The following MUTYH variants were observed in gnomAD, a reference collection of about 807,000 sequenced individuals.
MUTYH encodes the protein adenine DNA glycosylase.
MUTYH carries 64 observed loss-of-function variants against 72.9 expected under a neutral mutation model. The observed-to-expected ratio is 0.88, with a 90% CI of 0.72 to 1.08. MUTYH has a LOEUF of 1.08. MUTYH is among the 50% of genes least tolerant of loss of function. The pLI is 0.00. For missense variants in MUTYH, 633 were observed against 671.0 expected (o/e 0.94, Z 0.63); for synonymous variants, 234 against 263.1 (o/e 0.89, Z 1.07).
rs765990397 is a variant in MUTYH at position 45,329,311 on chromosome 1, G to A, written c.1561C>T (p.Gln521Ter). ...AATGGGGGCTTTCAGAGGTGTCACTGGGCTGCACTGTTGAGGCTGTGTGCA... is the reference window on the plus strand; with the variant it reads ...AATGGGGGCTTTCAGAGGTGTCACTAGGCTGCACTGTTGAGGCTGTGTGCA... ...TDAHSLNSAA[Q>*] is the part of the protein sequence containing the mutation. Residue 521 changes from glutamine (Q) to a stop codon, truncating the protein, a stop_gained, in exon 16 of 16, where the codon CAG becomes TAG. Coordinates refer to ENST00000456914, the MANE Select transcript of MUTYH (RefSeq NM_001048174.2). LOFTEE classifies it high-confidence loss of function. 2.5e-6 allele frequency: 4 copies of A among 1,614,154 alleles called. No individual in the cohort carries two copies. The highest frequency in any genetic ancestry group is 3.4e-6 in the Non-Finnish European group (4 of 1,180,022).
chr1:45,329,546 A>G, intron 15 of MUTYH, 109 bp from the exon 16 acceptor site: 2 of 1,431,850 alleles, frequency 1.4e-6, no homozygotes, highest in Non-Finnish European at 1.9e-6. Flanking sequence ...AGCTAGGCTT[A>G]GCCTGGAATG....
chr1:45,331,137 T>G, intron 14 of MUTYH, 45 bp downstream of exon 14: 3 of 1,611,272 alleles, frequency 1.9e-6, no homozygotes, highest in Non-Finnish European at 2.5e-6. Context: ...ATGTAGAACA[T>G]GTAGGAAACA....
At chr1:45,339,769 A>T in intron 1 of MUTYH, 130 bp downstream of exon 1, 1 of 1,137,730 alleles carries the variant, frequency 8.8e-7, no homozygotes, top group Non-Finnish European at 1.2e-6. Flanking sequence ...GAATTTACCG[A>T]TGCCCAGAAC....
upstream of MUTYH, chr1:45,340,286 G>A (rs2149249723): frequency 1.2e-6 from 2 of 1,613,440 alleles, no homozygotes; most frequent in Non-Finnish European, 1.7e-6. Context: ...CGCAGTTTCA[G>A]CTCCCGCAGC....
Position 45,331,179 on chromosome 1 carries a change from T to C in MUTYH, c.1392+3A>G, listed in dbSNP as rs1064796189. ...AGTACAACAAAGACAACAAAGGTAGTGCCTTTTTCATGGCGGTGGAAACAG... is the reference window on the plus strand; with the variant it reads ...AGTACAACAAAGACAACAAAGGTAGCGCCTTTTTCATGGCGGTGGAAACAG... On this transcript the variant is annotated splice_donor_region_variant and intron_variant, in intron 14 of 15. Transcript: ENST00000456914. 1 of 1,614,184 alleles carries C rather than the reference T, an allele frequency of 6.2e-7. No individual in the cohort carries two copies.
At chr1:45,340,054 G>T, upstream of MUTYH, 13 of 1,542,124 alleles carry the variant, frequency 8.4e-6, no homozygotes, top group Non-Finnish European at 1.0e-5. Flanking sequence ...CTGCGAGCCG[G>T]CAGCACAGGC....
chr1:45,332,332 G>A lies in MUTYH; in HGVS notation c.705-22C>T, dbSNP rs779818394. 5.0e-6 allele frequency: 8 copies of A among 1,614,112 alleles called. No individual in the cohort carries two copies. In the Admixed American group the frequency reaches 6.7e-5, roughly 13 times the overall value. On this transcript the variant is annotated intron_variant, in intron 9 of 15. Transcript: ENST00000456914. ...ACCCCTAAAAGAAGGGAACACTGCTGTGAAGCAGAGCTCCTTTGCAGACAC... is the reference window on the plus strand; with the variant it reads ...ACCCCTAAAAGAAGGGAACACTGCTATGAAGCAGAGCTCCTTTGCAGACAC...
intron 1 of MUTYH, among the ~76,000 whole-genome samples, 172 bp from the exon 2 acceptor site, chr1:45,334,683 T>A (rs1186466068): frequency 6.6e-6 from 1 of 152,202 alleles, no homozygotes; most frequent in Middle Eastern, 3.2e-3. Flanking sequence ...AGCACTGAGA[T>A]ACAACTAGTA....
At chr1:45,340,192 A>C (rs756764712), upstream of MUTYH, 4 of 1,613,314 alleles carry the variant, frequency 2.5e-6, no homozygotes, top group Non-Finnish European at 3.4e-6. Flanking sequence ...GAACCGCGCC[A>C]GGAGACGGAC....
At chr1:45,333,629 G>A (rs2149177820) in intron 2 of MUTYH, 68 bp from the exon 3 acceptor site, 1 of 1,583,020 alleles carries the variant, frequency 6.3e-7, no homozygotes, top group Non-Finnish European at 8.6e-7. Context: ...TTGGGACACA[G>A]CAGCCTGTGG....
At chr1:45,340,041 G>A (rs1221502004), upstream of MUTYH, 9 of 1,540,474 alleles carry the variant, frequency 5.8e-6, no homozygotes, top group Admixed American at 1.6e-4. Context: ...GGGTCCACCC[G>A]GGCTGCGAGC....
chr1:45,337,186 C>T (rs1206079126), intron 1 of MUTYH, among the ~76,000 whole-genome samples: 1 of 151,426 alleles, frequency 6.6e-6, no homozygotes, highest in East Asian at 1.9e-4. Flanking sequence ...CTCTGTCACC[C>T]AGGCTGGAGT....
Position 45,330,666 on chromosome 1 carries a change from T to C in MUTYH, c.1393-109A>G, listed in dbSNP as rs540007730. On this transcript the variant is annotated intron_variant, in intron 14 of 15. Transcript: ENST00000456914. ...GTACTTTTGTTTAAAATATGCTTTT[T>C]TGGCCAGGCATGGTGGCTCACGCCT... 18 of 1,355,550 alleles carry C rather than the reference T, an allele frequency of 1.3e-5. No individual in the cohort carries two copies. The East Asian group carries it at 2.8e-4, about 21-fold the overall frequency. 84.0% of individuals were successfully genotyped at this position (1,355,550 alleles called of 1,614,324 possible). A position where few individuals can be genotyped will look rare whatever the true frequency, so the allele number is the denominator to read the frequency against.
In MUTYH at chr1:45,331,266, G is replaced by A. The variant is rs786202812; in HGVS notation, c.1308C>T (p.Thr436=). 3 of 1,614,132 alleles carry A rather than the reference G, an allele frequency of 1.9e-6. No homozygotes were observed. Among genetic ancestry groups the A allele is most frequent in the East Asian group, 2.2e-5 (1 of 44,882 alleles). ...QVYGLALEGQ[T]PVTTVPPGAR... ...CACCTGGTGGTACGGTGGTCACTGGGGTCTGCCCTTCCAAGGCCAGCCCAT... is the reference window on the plus strand; with the variant it reads ...CACCTGGTGGTACGGTGGTCACTGGAGTCTGCCCTTCCAAGGCCAGCCCAT... The change falls in exon 14 of 16, where the codon ACC becomes ACT. Residue 436 remains threonine (T), a synonymous_variant. Coordinates refer to ENST00000456914, the MANE Select transcript of MUTYH (RefSeq NM_001048174.2).
chr1:45,333,158 T>C lies in MUTYH; in HGVS notation c.317A>G (p.Glu106Gly). 1 of 1,613,768 alleles carries C rather than the reference T, an allele frequency of 6.2e-7. No individual in the cohort carries two copies. ...AACCTGGGTCTGCTGCAGCATGACC[T>C]CTGAGACCCACACTGGGGGAAAGGG... is the stretch of plus-strand genomic sequence containing the variant. ...DRRAYAVWVS[E>G]VMLQQTQVAT... The change falls in exon 5 of 16, where the codon GAG becomes GGG. Residue 106 changes from glutamate to glycine, a missense_variant. Physicochemically the swap from Glu to Gly is moderately conservative, Grantham distance 98 (BLOSUM62 -2). Coordinates refer to ENST00000456914, the MANE Select transcript of MUTYH (RefSeq NM_001048174.2).
chr1:45,330,613 G>A (rs751789838), intron 14 of MUTYH, 56 bp from the exon 15 acceptor site: 26 of 1,554,796 alleles, frequency 1.7e-5, no homozygotes, highest in African/African-American at 2.7e-5. Context: ...GAGATAAACC[G>A]GTGTTCTGCC....
In MUTYH at chr1:45,332,768, G is replaced by T. The variant is rs761101420; in HGVS notation, c.487C>A (p.Arg163=). The change falls in exon 7 of 16, where the codon CGG becomes AGG. Residue 163 remains arginine, a synonymous_variant. Coordinates refer to ENST00000456914, the MANE Select transcript of MUTYH (RefSeq NM_001048174.2). ...CCCTCCTGCCATCCCCTTACCTTCCGAGCTCCCTCCTGCAGCCGCCGGCCA... is the reference window on the plus strand; with the variant it reads ...CCCTCCTGCCATCCCCTTACCTTCCTAGCTCCCTCCTGCAGCCGCCGGCCA... ...SRGRRLQEGA[R]KVVEELGGHM... 2 of 1,613,962 alleles carry T rather than the reference G, an allele frequency of 1.2e-6. No homozygotes were observed. The highest frequency in any genetic ancestry group is 2.7e-5 in the African/African-American group (2 of 74,892).
upstream of MUTYH, chr1:45,340,057 G>A: frequency 6.5e-7 from 1 of 1,542,938 alleles, no homozygotes; most frequent in Non-Finnish European, 8.7e-7. Flanking sequence ...CGAGCCGGCA[G>A]CACAGGCCAA....
chr1:45,336,685 A>C (rs141347821), intron 1 of MUTYH, among the ~76,000 whole-genome samples: 92 of 151,762 alleles, frequency 6.1e-4, no homozygotes, highest in African/African-American at 2.2e-3. Flanking sequence ...CCCTTTGCTG[A>C]CTCCTTTTTT....
Sources: gnomAD v4.1 joint callset for allele counts (sites outside exome capture counted in the v4.1 genomes callset) on GRCh38, gnomAD v4.1.1 for gene constraint, MANE v1.5 for transcripts, NCBI Gene and HGNC (gene_info 2026-07-23, HGNC 2026-07-21) for gene names.